Variants in ABCA6 observed in about 807,000 individuals in gnomAD.
ABCA6 encodes the protein ATP-binding cassette sub-family A member 6.
ABCA6 carries 164 observed loss-of-function variants against 191.2 expected under a neutral mutation model. The observed-to-expected ratio is 0.86, with a 90% CI of 0.76 to 0.98. The LOEUF is 0.98. Among genes scored for constraint, ABCA6 ranks in the 50% least tolerant of loss-of-function variants. The pLI, the probability that ABCA6 is intolerant of heterozygous loss-of-function variation, is 0.00. For synonymous variants in ABCA6, 636 were observed against 647.7 expected, an observed-to-expected ratio of 0.98 and a Z score of 0.27; for missense variants, 1,958 against 1,894.1, an observed-to-expected ratio of 1.03 and a Z score of -0.63.
chr17:69,133,479 T>G (rs1314690500), intron 6 of ABCA6, among the ~76,000 whole-genome samples, 162 bp downstream of exon 6: 1 of 152,190 alleles, frequency 6.6e-6, no homozygotes, highest in Non-Finnish European at 1.5e-5. Context: ...TAAGCACTAT[T>G]TTGCATGGCA....
At position 69,086,718 on chromosome 17, in the gene ABCA6, G is replaced by A. The variant is rs141744269; in HGVS notation, c.3837C>T (p.Ala1279=). The part of the protein sequence containing the change: ...SILDEKPVII[A]SCLHKEYAGQ... The stretch of plus-strand genomic sequence containing the variant: ...CTGCATATTCTTTGTGTAGACAGCT[G>A]GCAATTATAACAGGTTTCTAGAAGA... Residue 1279 remains alanine (A), a synonymous_variant, in exon 30 of 39, where the codon GCC becomes GCT. Coordinates refer to ENST00000284425, the MANE Select transcript of ABCA6 (RefSeq NM_080284.3). 2,661 of 1,611,004 alleles carry A rather than the reference G, an allele frequency of 1.7e-3. 41 individuals are homozygous for A. In the African/African-American group the frequency reaches 0.031, roughly 19 times the overall value.
At position 69,078,889 on chromosome 17, in the gene ABCA6, A is replaced by C. The variant is rs532484875; in HGVS notation, c.*84T>G. On this transcript the variant is annotated 3_prime_UTR_variant, in exon 39 of 39. Coordinates refer to ENST00000284425, the MANE Select transcript of ABCA6 (RefSeq NM_080284.3). ...ATATACCTGATGTTAATTTTAAATG[A>C]TCTTTAAAATTAAACATACTATTAA... 2.0e-5 allele frequency: 15 copies of C among 742,760 alleles called. No individual in the cohort carries two copies. The South Asian group carries it at 3.5e-4, about 17-fold the overall frequency. The allele number at this position is 742,760 out of a possible 1,614,324, so 46.0% of individuals were successfully genotyped here.
Position 69,106,048 on chromosome 17 carries a change from T to C in ABCA6, c.2553A>G (p.Gln851=), listed in dbSNP as rs754818870. 4.3e-6 allele frequency: 7 copies of C among 1,612,386 alleles called. No individual in the cohort carries two copies. In the South Asian group the frequency reaches 5.5e-5, roughly 13 times the overall value. The change falls in exon 19 of 39, where the codon CAA becomes CAG. Residue 851 remains glutamine (Q), a synonymous_variant. Transcript: ENST00000284425. ...CTCACAGGGTCAATAACACTTTAGT[T>C]TGACGTTTTAACTTTAAGAAACGGA... ...ARLRFLKLKR[Q]TKVLLTLLLV... is the part of the protein sequence containing the mutation.
intron 15 of ABCA6, 130 bp from the exon 16 acceptor site, chr17:69,112,403 G>A: frequency 1.6e-6 from 1 of 635,722 alleles, no homozygotes; most frequent in South Asian, 2.1e-5. Context: ...TAGATCTAGT[G>A]TGCATTTTAA....
rs775951836 is a variant in ABCA6 at position 69,087,436 on chromosome 17, C to T, written c.3736G>A (p.Glu1246Lys). 19 of 1,613,924 alleles carry T rather than the reference C, an allele frequency of 1.2e-5. 1 individual carries two copies. Among genetic ancestry groups the T allele is most frequent in the Non-Finnish European group, 1.2e-5 (14 of 1,179,866 alleles). The change falls in exon 29 of 39, where the codon GAA (glutamate) becomes AAA (lysine). Residue 1246 changes from glutamate (E) to lysine (K), a missense_variant. Glu to Lys is a moderately conservative substitution (Grantham distance 56, BLOSUM62 1). Coordinates refer to ENST00000284425, the MANE Select transcript of ABCA6 (RefSeq NM_080284.3). ...TCTTCATCTTCATCTATGGGTTCTT[C>T]TGGATTTGGCTTAGCATCTCTACTT... ...PQSRDAKPNP[E>K]EPIDEDEDIQ...
Position 69,105,601 on chromosome 17 carries a change from G to T in ABCA6, c.2601C>A (p.Phe867Leu), listed in dbSNP as rs1477579597. 1.3e-6 allele frequency: 2 copies of T among 1,519,486 alleles called. No homozygotes were observed. Among genetic ancestry groups the T allele is most frequent in the Admixed American group, 1.8e-5 (1 of 55,324 alleles). The allele number at this position is 1,519,486 out of a possible 1,614,324, so 94.1% of individuals were successfully genotyped here. ...ACATTATATTTTCAACAATCAAAGG[G>T]AATATTGCGATTCCAAATACCAATA... ...TLLLVFGIAI[F>L]PLIVENIMYA... Residue 867 changes from phenylalanine to leucine, a missense_variant, in exon 20 of 39, where the codon TTC becomes TTA. Physicochemically the swap from Phe to Leu is conservative, Grantham distance 22 (BLOSUM62 0). Coordinates refer to ENST00000284425, the MANE Select transcript of ABCA6 (RefSeq NM_080284.3).
chr17:69,114,438 T>C (rs1326119537), intron 13 of ABCA6, among the ~76,000 whole-genome samples: 1 of 148,164 alleles, frequency 6.7e-6, no homozygotes, highest in African/African-American at 2.5e-5. Flanking sequence ...GGGAGAGGGA[T>C]AGCATTAGGA....
chr17:69,082,846 T>C, intron 36 of ABCA6, 27 bp downstream of exon 36: 1 of 1,613,736 alleles, frequency 6.2e-7, no homozygotes. Context: ...CCCTCCATAT[T>C]TCTCCATAAT....
At position 69,078,742 on chromosome 17, in the gene ABCA6, C is replaced by G. The variant is rs879921962; in HGVS notation, c.*231G>C. The G allele has an allele frequency of 4.0e-4, 140 of 348,164 alleles. No individual in the cohort carries two copies. Among genetic ancestry groups the G allele is most frequent in the Non-Finnish European group, 9.2e-5 (18 of 196,210 alleles). The allele number at this position is 348,164 out of a possible 1,614,324, so 21.6% of individuals were successfully genotyped here. On this transcript the variant is annotated 3_prime_UTR_variant, in exon 39 of 39. Transcript: ENST00000284425. ...GTTTTATTTCCACAATACCCAGTGC[C>G]TGACTCTTTGGGTGACTTTACTAAT...
intron 3 of ABCA6, 73 bp downstream of exon 3, chr17:69,137,223 T>C: frequency 7.2e-7 from 1 of 1,386,064 alleles, no homozygotes; most frequent in Non-Finnish European, 9.9e-7. Context: ...AACTTCAAAT[T>C]AATGTGTAGA....
Position 69,133,885 on chromosome 17 carries a change from C to G in ABCA6, c.565-18G>C, listed in dbSNP as rs916514430. ...GTTGTGATCTAAAGTAGAGTTTAAA[C>G]AAACATAATTATTATTTAAAAGATA... is the stretch of plus-strand genomic sequence containing the variant. On this transcript the variant is annotated intron_variant, in intron 5 of 38. Transcript: ENST00000284425. 1 of 1,459,178 alleles carries G rather than the reference C, an allele frequency of 6.9e-7. No individual in the cohort carries two copies. The highest frequency in any genetic ancestry group is 9.4e-7 in the Non-Finnish European group (1 of 1,068,098). 90.4% of individuals were successfully genotyped at this position (1,459,178 alleles called of 1,614,324 possible). A position where few individuals can be genotyped will look rare whatever the true frequency, so the allele number is the denominator to read the frequency against.
At chr17:69,106,615 T>A (rs1023489232) in intron 18 of ABCA6, among the ~76,000 whole-genome samples, 1 of 150,258 alleles carries the variant, frequency 6.7e-6, no homozygotes, top group African/African-American at 2.5e-5. Context: ...AAAAAAAAGT[T>A]TTACATTTGT....
chr17:69,086,575 G>A, intron 30 of ABCA6, 43 bp downstream of exon 30: 2 of 1,389,784 alleles, frequency 1.4e-6, no homozygotes, highest in South Asian at 2.4e-5. Context: ...TCGGTAGGTA[G>A]TTCTAAAAGT....
In ABCA6 at chr17:69,085,159, T is replaced by A. The variant is rs2072749843; in HGVS notation, c.4053A>T (p.Ser1351=). The A allele has an allele frequency of 4.3e-6, 7 of 1,610,850 alleles. No homozygotes were observed. Among genetic ancestry groups the A allele is most frequent in the Non-Finnish European group, 5.9e-6 (7 of 1,178,796 alleles). The part of the protein sequence containing the change: ...AGEVELKGCS[S]VLGHLGYCPQ... The stretch of plus-strand genomic sequence containing the variant: ...GGCAGTACCCCAGGTGGCCCAAAAC[T>A]GAACTGCAGCCTTTCAGTTCCACCT... Residue 1351 remains serine, a synonymous_variant, in exon 32 of 39, where the codon TCA becomes TCT. Coordinates refer to ENST00000284425, the MANE Select transcript of ABCA6 (RefSeq NM_080284.3).
At chr17:69,133,021 G>C (rs988720636) in intron 6 of ABCA6, among the ~76,000 whole-genome samples, 11 of 152,148 alleles carry the variant, frequency 7.2e-5, no homozygotes, top group African/African-American at 1.2e-4. Flanking sequence ...AATGTGGAGT[G>C]GGGGGCAAGA....
intron 32 of ABCA6, 145 bp from the exon 33 acceptor site, chr17:69,084,652 A>G: frequency 1.3e-6 from 1 of 745,136 alleles, no homozygotes; most frequent in Non-Finnish European, 2.1e-6. Context: ...AGATTGGTTT[A>G]TTTTGGAACA....
intron 10 of ABCA6, among the ~76,000 whole-genome samples, chr17:69,119,517 A>G (rs2073599524): frequency 6.6e-6 from 1 of 151,976 alleles, no homozygotes; most frequent in Non-Finnish European, 1.5e-5. Flanking sequence ...TTATTTTAAA[A>G]TCCATTTTAT....
At chr17:69,135,189 G>A (rs2073929612) in intron 4 of ABCA6, 1 of 155,074 alleles carries the variant, frequency 6.4e-6, no homozygotes, top group African/African-American at 2.4e-5. Context: ...CCCACCAGTA[G>A]ACTTTTAACT....
intron 6 of ABCA6, among the ~76,000 whole-genome samples, chr17:69,132,952 T>C (rs2073891026): frequency 6.6e-6 from 1 of 152,230 alleles, no homozygotes; most frequent in South Asian, 2.1e-4. Flanking sequence ...TGTAAATATG[T>C]ATACATAGCA....
Sources: gnomAD v4.1 joint callset for allele counts (sites outside exome capture counted in the v4.1 genomes callset) on GRCh38, gnomAD v4.1.1 for gene constraint, MANE v1.5 for transcripts, NCBI Gene and HGNC (gene_info 2026-07-23, HGNC 2026-07-21) for gene names.